Variants in CDH4 observed in about 807,000 individuals in gnomAD.
The protein encoded by CDH4 is cadherin-4.
CDH4 carries 33 observed loss-of-function variants against 86.0 expected under a neutral mutation model. That is an observed-to-expected ratio of 0.38 (90% CI 0.29 to 0.51). The LOEUF (loss-of-function observed/expected upper bound fraction) is 0.51. Among genes scored for constraint, CDH4 ranks in the 20% least tolerant of loss-of-function variants. The pLI, the probability that CDH4 is intolerant of heterozygous loss-of-function variation, is 0.86. For missense variants in CDH4, 1,114 were observed against 1,307.4 expected (o/e 0.85, Z 2.28); for synonymous variants, 555 against 549.4 (o/e 1.01, Z -0.14).
intron 8 of CDH4, among the ~76,000 whole-genome samples, chr20:61,910,056 CCT>C (rs971468948): frequency 6.6e-6 from 1 of 152,254 alleles, no homozygotes; most frequent in African/African-American, 2.4e-5. Context: ...CCCGTGCACC[CCT>C]GAGCAGCCTG....
chr20:61,264,255 C>A (rs1037883684), intron 2 of CDH4, among the ~76,000 whole-genome samples: 21 of 152,178 alleles, frequency 1.4e-4, no homozygotes, highest in Admixed American at 1.3e-3. Context: ...TTCATTCAAC[C>A]CTGCAGAACC....
intron 4 of CDH4, among the ~76,000 whole-genome samples, chr20:61,805,363 C>A (rs192585689): frequency 2.6e-4 from 39 of 152,300 alleles, no homozygotes; most frequent in African/African-American, 9.1e-4. Flanking sequence ...GCCAGGATGG[C>A]CTCTGTGTTG....
At chr20:61,327,527 C>G (rs185063674) in intron 2 of CDH4, among the ~76,000 whole-genome samples, 84 of 152,208 alleles carry the variant, frequency 5.5e-4, no homozygotes, top group Non-Finnish European at 5.7e-4. Context: ...GTCAGATTGG[C>G]AAAGATTAGA....
intron 2 of CDH4, among the ~76,000 whole-genome samples, chr20:61,462,699 T>G (rs2085450848): frequency 6.6e-6 from 1 of 152,188 alleles, no homozygotes. Flanking sequence ...CTAGGTTTCA[T>G]CCTCCATCCT....
chr20:61,528,725 A>C (rs1568878954), intron 2 of CDH4, among the ~76,000 whole-genome samples: 1 of 152,204 alleles, frequency 6.6e-6, no homozygotes. Context: ...ACGATGATTT[A>C]GATAGGCTGG....
At chr20:61,367,932 A>AT in intron 2 of CDH4, among the ~76,000 whole-genome samples, 1 of 137,136 alleles carries the variant, frequency 7.3e-6, no homozygotes, top group East Asian at 2.2e-4. Context: ...GTGCAGTGGC[A>AT]TGCTCTTGGC....
chr20:61,814,205 C>A lies in CDH4; in HGVS notation c.577-30463C>A, dbSNP rs547424699. 2.6e-5 allele frequency among the ~76,000 whole-genome samples: 4 copies of A among 152,302 alleles called. No individual in the cohort carries two copies. The South Asian group carries it at 8.3e-4, about 32-fold the overall frequency. ...AAGGCCCACTTTGTAGGCAGTGAGG[C>A]CTGATGCCCCTAAGGCCACCCCAGG... On this transcript the variant is annotated intron_variant, in intron 4 of 15. Transcript: ENST00000614565.
chr20:61,747,953 A>G (rs77679369), intron 3 of CDH4, among the ~76,000 whole-genome samples: 1 of 148,812 alleles, frequency 6.7e-6, no homozygotes, highest in African/African-American at 2.5e-5. Flanking sequence ...AAAAAAAAAA[A>G]CAGCACCTGG....
chr20:61,568,381 G>A (rs1052454956), intron 2 of CDH4, among the ~76,000 whole-genome samples: 1 of 152,142 alleles, frequency 6.6e-6, no homozygotes, highest in African/African-American at 2.4e-5. Context: ...CCTTGCTGCC[G>A]CCATGTGAAG....
intron 5 of CDH4, among the ~76,000 whole-genome samples, chr20:61,848,682 C>T (rs930255903): frequency 5.9e-5 from 9 of 152,194 alleles, no homozygotes; most frequent in African/African-American, 1.4e-4. Context: ...CCCGCCACCA[C>T]GCCCAGCTAA....
intron 4 of CDH4, among the ~76,000 whole-genome samples, chr20:61,791,971 T>C (rs1397227102): frequency 6.6e-6 from 1 of 152,074 alleles, no homozygotes; most frequent in African/African-American, 2.4e-5. Context: ...GTAGCTCCAA[T>C]GCAGGAAAAA....
rs140094418 is a variant in CDH4, at chr20:61,869,226, T to G, written c.878-4502T>G. Among the ~76,000 whole-genome samples, 442 of 152,330 alleles carry G rather than the reference T, an allele frequency of 2.9e-3. 1 individual carries two copies. Among genetic ancestry groups the G allele is most frequent in the South Asian group, 0.011 (54 of 4,834 alleles). ...TCCCCTGTATTTTTAAAAACCAATGTTGTCCCTGAAATCCAAAAAAAGAGC... is the reference window on the plus strand; with the variant it reads ...TCCCCTGTATTTTTAAAAACCAATGGTGTCCCTGAAATCCAAAAAAAGAGC... On this transcript the variant is annotated intron_variant, in intron 6 of 15. Transcript: ENST00000614565.
chr20:61,316,409 C>T (rs571278934), intron 2 of CDH4, among the ~76,000 whole-genome samples: 1 of 152,334 alleles, frequency 6.6e-6, no homozygotes, highest in African/African-American at 2.4e-5. Context: ...GTCCACTTGG[C>T]CCCCTAAATC....
At chr20:61,834,338 C>G (rs534295640) in intron 4 of CDH4, among the ~76,000 whole-genome samples, 1 of 152,340 alleles carries the variant, frequency 6.6e-6, no homozygotes, top group African/African-American at 2.4e-5. Context: ...TGGGGTCTGG[C>G]CTCCATCTTT....
chr20:61,610,185 C>G (rs1466659010), intron 2 of CDH4, among the ~76,000 whole-genome samples: 1 of 152,218 alleles, frequency 6.6e-6, no homozygotes, highest in Non-Finnish European at 1.5e-5. Context: ...CTGACATTCA[C>G]CATTCTACCC....
Position 61,708,602 on chromosome 20 carries a change from G to C in CDH4, c.170-34961G>C, listed in dbSNP as rs1474743908. On this transcript the variant is annotated intron_variant, in intron 2 of 15. Transcript: ENST00000614565. The surrounding 1 kb of genome is among the most constrained non-coding windows in gnomAD (Gnocchi z 4.5). ...TGCTCCCTCCAGCCTCATGCCCCTT[G>C]TAGACCCTCTCCACCCTCCTGTGCC... Among the ~76,000 whole-genome samples the C allele has an allele frequency of 6.6e-6, 1 of 152,020 alleles. No individual in the cohort carries two copies. The highest frequency in any genetic ancestry group is 2.4e-5 in the African/African-American group (1 of 41,376).
intron 5 of CDH4, among the ~76,000 whole-genome samples, chr20:61,849,382 G>A (rs1283346300): frequency 1.3e-5 from 2 of 152,226 alleles, no homozygotes; most frequent in Admixed American, 1.3e-4. Flanking sequence ...TAACGAATCA[G>A]CACAAACTTA....
chr20:61,349,064 C>T (rs2084695402), intron 2 of CDH4, among the ~76,000 whole-genome samples: 2 of 152,220 alleles, frequency 1.3e-5, no homozygotes, highest in African/African-American at 4.8e-5. Context: ...TTATTTTATG[C>T]TGTGCGGCCC....
intron 2 of CDH4, among the ~76,000 whole-genome samples, chr20:61,674,614 A>T (rs1231655441): frequency 6.6e-6 from 1 of 152,270 alleles, no homozygotes; most frequent in Non-Finnish European, 1.5e-5. Context: ...GCCACATTCA[A>T]AAAAGTAAAA....
Sources: gnomAD v4.1 joint callset for allele counts (sites outside exome capture counted in the v4.1 genomes callset) on GRCh38, gnomAD v4.1.1 for gene constraint, Gnocchi (gnomAD v3.1) non-coding constraint, MANE v1.5 for transcripts, NCBI Gene and HGNC (gene_info 2026-07-23, HGNC 2026-07-21) for gene names.